The following OSBPL9 variants were observed in gnomAD, a reference collection of about 807,000 sequenced individuals.
OSBPL9 encodes oxysterol binding protein like 9, also known as oxysterol-binding protein-related protein 9.
OSBPL9 carries 40 observed loss-of-function variants against 106.6 expected under a neutral mutation model. That is an observed-to-expected ratio of 0.38 (90% CI 0.29 to 0.49). OSBPL9 has a LOEUF of 0.49. OSBPL9 is among the 20% of genes least tolerant of loss of function. The pLI, the probability that OSBPL9 is intolerant of heterozygous loss-of-function variation, is 0.97. For missense variants in OSBPL9, 609 were observed against 887.2 expected (o/e 0.69, Z 3.98); for synonymous variants, 269 against 295.4 (o/e 0.91, Z 0.92).
intron 1 of OSBPL9, among the ~76,000 whole-genome samples, chr1:51,592,661 C>G (rs565117327): frequency 6.6e-6 from 1 of 152,186 alleles, no homozygotes; most frequent in African/African-American, 2.4e-5. Flanking sequence ...GAGGTGAGGT[C>G]GTGCAGACCA....
chr1:51,670,088 G>A (rs751202952), intron 3 of OSBPL9, among the ~76,000 whole-genome samples: 3 of 151,990 alleles, frequency 2.0e-5, no homozygotes, highest in Non-Finnish European at 2.9e-5. Flanking sequence ...GCTATGTTTC[G>A]GCATTGCATG....
the OSBPL9 span, among the ~76,000 whole-genome samples, chr1:51,529,711 GT>G: frequency 6.6e-6 from 1 of 151,424 alleles, no homozygotes; most frequent in South Asian, 2.1e-4. Context: ...TCAACAGATG[GT>G]ACTGTTGAAC....
intron 3 of OSBPL9, among the ~76,000 whole-genome samples, chr1:51,671,738 A>G (rs79399372): frequency 0.012 from 1,817 of 152,222 alleles, 38 homozygotes; most frequent in African/African-American, 0.042. Context: ...GGAGAGGGGA[A>G]GTGTTGAAAT....
chr1:51,754,659 G>A (rs530815968), intron 8 of OSBPL9, among the ~76,000 whole-genome samples: 19 of 152,194 alleles, frequency 1.2e-4, no homozygotes, highest in South Asian at 8.3e-4. Flanking sequence ...ATAACATTTC[G>A]AAAGGTAAAA....
chr1:51,558,433 T>C, the OSBPL9 span, among the ~76,000 whole-genome samples: 1 of 152,132 alleles, frequency 6.6e-6, no homozygotes, highest in Non-Finnish European at 1.5e-5. Flanking sequence ...CTCCTATAGA[T>C]AACATCACTA....
intron 3 of OSBPL9, among the ~76,000 whole-genome samples, chr1:51,672,088 A>C (rs942394987): frequency 1.3e-5 from 2 of 152,190 alleles, no homozygotes; most frequent in African/African-American, 4.8e-5. Flanking sequence ...AAGGGCATTG[A>C]ATTTGACTGA....
intron 3 of OSBPL9, among the ~76,000 whole-genome samples, chr1:51,703,113 T>C (rs1657665815): frequency 6.6e-6 from 1 of 152,214 alleles, no homozygotes; most frequent in African/African-American, 2.4e-5. Context: ...TAGGATTGAC[T>C]TGGCAATGTG....
At chr1:51,631,639 TC>T (rs1645112360) in intron 1 of OSBPL9, among the ~76,000 whole-genome samples, 1 of 152,204 alleles carries the variant, frequency 6.6e-6, no homozygotes, top group African/African-American at 2.4e-5. Context: ...ATCATTTATG[TC>T]TATGCCTTAG....
chr1:51,752,152 C>T (rs995570402), intron 8 of OSBPL9, among the ~76,000 whole-genome samples: 2 of 152,144 alleles, frequency 1.3e-5, no homozygotes, highest in Non-Finnish European at 2.9e-5. Context: ...TCACTGCCCT[C>T]TTACCTGTCT....
intron 13 of OSBPL9, 26 bp downstream of exon 13, chr1:51,772,208 T>A: frequency 1.3e-6 from 2 of 1,570,882 alleles, no homozygotes; most frequent in Non-Finnish European, 1.7e-6. Flanking sequence ...TAATTTAACT[T>A]TTTTTTCTTT....
At chr1:51,777,290 T>C (rs559643977) in intron 15 of OSBPL9, among the ~76,000 whole-genome samples, 1 of 152,350 alleles carries the variant, frequency 6.6e-6, no homozygotes, top group East Asian at 1.9e-4. Flanking sequence ...TGTTGTTTGC[T>C]AGGCACTTTC....
In OSBPL9 at chr1:51,789,049, T is replaced by C; in HGVS notation, c.*1260T>C. The C allele has an allele frequency of 1.6e-6, 1 of 640,840 alleles. No homozygotes were observed. Among genetic ancestry groups the C allele is most frequent in the South Asian group, 2.0e-5 (1 of 51,124 alleles). The allele number at this position is 640,840 out of a possible 1,614,324, so 39.7% of individuals were successfully genotyped here. On this transcript the variant is annotated 3_prime_UTR_variant, in exon 24 of 24. Coordinates refer to ENST00000428468, the MANE Select transcript of OSBPL9 (RefSeq NM_024586.6). ...CTTGGCCCATTCTGCTAATTTTCCT[T>C]TGCCAGCTCCTACAGTAACCCTGGG...
upstream of OSBPL9, among the ~76,000 whole-genome samples, chr1:51,613,109 T>C (rs1230420189): frequency 6.6e-6 from 1 of 152,224 alleles, no homozygotes; most frequent in African/African-American, 2.4e-5. Context: ...AAACAATAAT[T>C]ATTAAGCACC....
intron 2 of OSBPL9, among the ~76,000 whole-genome samples, chr1:51,663,295 AGTGTGTGTGTGTGT>A (rs10544368): frequency 2.0e-5 from 3 of 148,710 alleles, no homozygotes; most frequent in Non-Finnish European, 4.5e-5. Flanking sequence ...TATGCTGGCA[AGTGTGTGTGTGTGT>A]GTGTGTGTGT....
intron 11 of OSBPL9, among the ~76,000 whole-genome samples, chr1:51,764,583 C>CTT (rs531240886): frequency 0.13 from 17,058 of 135,602 alleles, 1,144 homozygotes; most frequent in Middle Eastern, 0.2. Context: ...ACTCTGGATT[C>CTT]TTTTTTTTTT....
At chr1:51,736,457 C>T (rs1665729504) in intron 4 of OSBPL9, among the ~76,000 whole-genome samples, 1 of 152,110 alleles carries the variant, frequency 6.6e-6, no homozygotes, top group Non-Finnish European at 1.5e-5. Context: ...TAGCTATCAC[C>T]TTGAGTGTTA....
intron 3 of OSBPL9, among the ~76,000 whole-genome samples, chr1:51,703,800 G>T (rs1286307879): frequency 2.0e-5 from 3 of 152,130 alleles, no homozygotes; most frequent in African/African-American, 7.2e-5. Context: ...ACTATTTTGA[G>T]ATACTTCCCA....
At position 51,654,399 on chromosome 1, in the gene OSBPL9, G is replaced by A. The variant is rs79534278; in HGVS notation, c.162+2358G>A. On this transcript the variant is annotated intron_variant, in intron 2 of 23. Transcript: ENST00000428468. The stretch of plus-strand genomic sequence containing the variant: ...TCATCTATTATTTGGTTACCCAGTG[G>A]TGCAGTTAAAATAGGCAAGATGACT... 2.6e-5 allele frequency among the ~76,000 whole-genome samples: 4 copies of A among 152,188 alleles called. No individual in the cohort carries two copies. The East Asian group carries it at 5.8e-4, about 22-fold the overall frequency.
intron 4 of OSBPL9, among the ~76,000 whole-genome samples, chr1:51,739,444 G>A (rs1270386027): frequency 2.6e-5 from 4 of 151,966 alleles, no homozygotes; most frequent in Non-Finnish European, 5.9e-5. Context: ...TACAGAAAAA[G>A]ACCTTACTTT....
Sources: allele counts gnomAD v4.1 joint callset (sites outside exome capture counted in the v4.1 genomes callset), GRCh38; gene constraint gnomAD v4.1.1; transcripts MANE v1.5; gene names NCBI Gene and HGNC (gene_info 2026-07-23, HGNC 2026-07-21).